Variants in WASHC4 observed in about 807,000 individuals in gnomAD.
WASHC4 encodes WASH complex subunit 7.
WASHC4 carries 86 observed loss-of-function variants against 166.6 expected under a neutral mutation model. That is an observed-to-expected ratio of 0.52 (90% CI 0.43 to 0.62). The LOEUF is 0.62. Ranked by LOEUF, WASHC4 falls within the 20% of genes least tolerant of loss-of-function variation. The pLI is 0.00. For synonymous variants in WASHC4, 446 were observed against 451.6 expected (o/e 0.99, Z 0.16); for missense variants, 1,262 against 1,382.4 (o/e 0.91, Z 1.38).
At position 105,118,474 on chromosome 12, in the gene WASHC4, A is replaced by G. The variant is rs199754065; in HGVS notation, c.464A>G (p.Tyr155Cys). ...QELSCFVTRC[Y>C]EVVMNVVHQL... ...CTGTCTTGCTTTGTTACGAGGTGCT[A>G]TGAAGTGGTGATGAACGTAGTCCAC... The change falls in exon 7 of 33, where the codon TAT becomes TGT. Residue 155 changes from tyrosine (Y) to cysteine (C), a missense_variant. Coordinates refer to ENST00000332180, the MANE Select transcript of WASHC4 (RefSeq NM_015275.3). 5.0e-6 allele frequency: 8 copies of G among 1,613,508 alleles called. No homozygotes were observed. The highest frequency in any genetic ancestry group is 1.1e-5 in the South Asian group (1 of 91,072).
chr12:105,110,126 A>T (rs1311527520), intron 1 of WASHC4, among the ~76,000 whole-genome samples: 1 of 152,184 alleles, frequency 6.6e-6, no homozygotes, highest in Admixed American at 6.5e-5. Context: ...TTAATGCTAT[A>T]ATAAGACAGA....
At chr12:105,120,406 A>T in intron 7 of WASHC4, 149 bp from the exon 8 acceptor site, 1 of 593,042 alleles carries the variant, frequency 1.7e-6, no homozygotes, top group Admixed American at 2.9e-5. Flanking sequence ...GGGAAAGTGG[A>T]CTTGACGCTC....
chr12:105,155,965 A>G (rs1360772901), intron 26 of WASHC4, among the ~76,000 whole-genome samples: 1 of 152,218 alleles, frequency 6.6e-6, no homozygotes, highest in African/African-American at 2.4e-5. Context: ...GGAAATCAGG[A>G]GGCCATTGCA....
intron 1 of WASHC4, among the ~76,000 whole-genome samples, chr12:105,109,316 T>C (rs1258471324): frequency 6.6e-6 from 1 of 152,148 alleles, no homozygotes; most frequent in African/African-American, 2.4e-5. Context: ...AGTTTGAAAA[T>C]GGTTCAGCCT....
At chr12:105,157,097 G>A in intron 27 of WASHC4, 139 bp from the exon 28 acceptor site, 1 of 638,952 alleles carries the variant, frequency 1.6e-6, no homozygotes, top group Non-Finnish European at 2.8e-6. Context: ...GTGGTGATAT[G>A]AATAATATTA....
At chr12:105,164,770 C>G in intron 32 of WASHC4, 30 bp downstream of exon 32, 1 of 1,432,218 alleles carries the variant, frequency 7.0e-7, no homozygotes, top group Non-Finnish European at 9.8e-7. Flanking sequence ...TTGGAAAGAC[C>G]AATAAATGTC....
At chr12:105,154,738 A>G (rs1279846852) in intron 26 of WASHC4, among the ~76,000 whole-genome samples, 1 of 152,200 alleles carries the variant, frequency 6.6e-6, no homozygotes, top group Non-Finnish European at 1.5e-5. Flanking sequence ...CTTAGCTAAC[A>G]TGTGGGAGAC....
chr12:105,148,975 A>G (rs1404652447), intron 24 of WASHC4: 1 of 984,418 alleles, frequency 1.0e-6, no homozygotes, highest in East Asian at 1.1e-4. Flanking sequence ...GTCAAAGCAC[A>G]CATGTACTTA....
chr12:105,115,382 G>T (rs1196801), intron 5 of WASHC4, among the ~76,000 whole-genome samples, 153 bp downstream of exon 5: 133,443 of 151,904 alleles, frequency 0.88, 58,893 homozygotes, highest in East Asian at 1. Flanking sequence ...AGGTAAAAAA[G>T]CTGAGGAAGC....
At chr12:105,118,608 G>A in intron 7 of WASHC4, 80 bp downstream of exon 7, 1 of 857,194 alleles carries the variant, frequency 1.2e-6, no homozygotes, top group Non-Finnish European at 2.0e-6. Flanking sequence ...ACTTGTAATA[G>A]TTTTTCTTTC....
At chr12:105,111,038 T>C in intron 1 of WASHC4, 87 bp from the exon 2 acceptor site, 2 of 950,742 alleles carry the variant, frequency 2.1e-6, no homozygotes, top group South Asian at 2.7e-5. Flanking sequence ...TAACAGTGCT[T>C]TGCGTGACTT....
chr12:105,140,229 T>A (rs1882712254), intron 15 of WASHC4, 65 bp from the exon 16 acceptor site: 10 of 1,138,378 alleles, frequency 8.8e-6, no homozygotes, highest in Non-Finnish European at 1.2e-5. Flanking sequence ...GTCGTAAAGA[T>A]CTTCTATAAT....
At chr12:105,112,955 C>A (rs1416647855) in intron 2 of WASHC4, among the ~76,000 whole-genome samples, 1 of 152,098 alleles carries the variant, frequency 6.6e-6, no homozygotes, top group African/African-American at 2.4e-5. Context: ...TTATCCAATA[C>A]CCTGAACTGC....
intron 1 of WASHC4, among the ~76,000 whole-genome samples, 175 bp downstream of exon 1, chr12:105,108,036 GT>G (rs999990406): frequency 3.9e-5 from 6 of 152,176 alleles, no homozygotes; most frequent in Admixed American, 2.0e-4. Context: ...CGGGGTTGGG[GT>G]CCCAGCCACG....
At chr12:105,124,305 G>A (rs1881066946) in intron 10 of WASHC4, among the ~76,000 whole-genome samples, 1 of 151,426 alleles carries the variant, frequency 6.6e-6, no homozygotes, top group Admixed American at 6.6e-5. Context: ...TTTTAGTAGA[G>A]ATGGGGTTTC....
rs541175236 is a variant in WASHC4 at position 105,162,933 on chromosome 12, TGTTCTTTATA to T, written c.3157+90_3157+99del. 7.2e-4 allele frequency: 496 copies of T among 686,926 alleles called. 1 individual carries two copies. In the African/African-American group the frequency reaches 8.2e-3, roughly 11 times the overall value. 42.6% of individuals were successfully genotyped at this position (686,926 alleles called of 1,614,324 possible). ...ACATCTGCTTGAGAATAGGTCTATA[TGTTCTTTATA>T]GATTTTTCTTTCTTTTTTCTTTTTT... On this transcript the variant is annotated intron_variant, in intron 30 of 32. Coordinates refer to ENST00000332180, the MANE Select transcript of WASHC4 (RefSeq NM_015275.3).
intron 13 of WASHC4, among the ~76,000 whole-genome samples, chr12:105,132,626 C>T (rs1881943387): frequency 6.6e-6 from 1 of 152,060 alleles, no homozygotes; most frequent in Middle Eastern, 3.2e-3. Context: ...TTTGTATTGC[C>T]CTAGTCTTTC....
intron 26 of WASHC4, among the ~76,000 whole-genome samples, chr12:105,153,369 G>C (rs756225800): frequency 6.6e-6 from 1 of 152,114 alleles, no homozygotes; most frequent in Non-Finnish European, 1.5e-5. Flanking sequence ...TTTCATTCTG[G>C]AGTAAAGTTT....
chr12:105,158,074 AT>A (rs1223622996), intron 28 of WASHC4, among the ~76,000 whole-genome samples: 5 of 152,352 alleles, frequency 3.3e-5, no homozygotes, highest in Admixed American at 2.0e-4. Flanking sequence ...AATAAAAAAA[AT>A]CAATGAGTCA....
Sources: gnomAD v4.1 joint callset for allele counts (sites outside exome capture counted in the v4.1 genomes callset) on GRCh38, gnomAD v4.1.1 for gene constraint, MANE v1.5 for transcripts, NCBI Gene and HGNC (gene_info 2026-07-23, HGNC 2026-07-21) for gene names.